Variants in FGF14 observed in about 807,000 individuals in gnomAD.
FGF14 encodes fibroblast growth factor 14.
A neutral mutation model predicts 25.5 loss-of-function variants in FGF14; 5 were observed. The ratio of observed to expected loss-of-function variants is 0.20; its 90% confidence interval spans 0.10 to 0.41. The LOEUF (loss-of-function observed/expected upper bound fraction) is 0.41, where lower values mean the gene tolerates loss of function less well. Among genes scored for constraint, FGF14 ranks in the 10% least tolerant of loss-of-function variants. The pLI, the probability that FGF14 is intolerant of heterozygous loss-of-function variation, is 1.00. For missense variants in FGF14, 222 were observed against 320.1 expected (o/e 0.69, Z 2.34); for synonymous variants, 138 against 118.3 (o/e 1.17, Z -1.08).
chr13:102,097,064 A>G (rs1009915291), intron 1 of FGF14, among the ~76,000 whole-genome samples: 20 of 150,718 alleles, frequency 1.3e-4, no homozygotes, highest in Non-Finnish European at 2.8e-4. Flanking sequence ...GTGTGGGGTC[A>G]TAAGAAAACA....
chr13:102,179,582 C>T lies in FGF14; in HGVS notation c.208+221889G>A, dbSNP rs185843731. ...ATTATGCACCAGGCACTCTCCAAAACACTTTATACTTAGGTACTACTTTTA... is the reference window on the plus strand; with the variant it reads ...ATTATGCACCAGGCACTCTCCAAAATACTTTATACTTAGGTACTACTTTTA... On this transcript the variant is annotated intron_variant, in intron 1 of 4. Coordinates refer to the FGF14 transcript ENST00000376131. Among the ~76,000 whole-genome samples the T allele has an allele frequency of 3.5e-4, 53 of 152,226 alleles. 1 individual carries two copies. Among genetic ancestry groups the T allele is most frequent in the Admixed American group, 2.4e-3 (37 of 15,292 alleles).
At chr13:102,176,973 T>C (rs1034613209) in intron 1 of FGF14, among the ~76,000 whole-genome samples, 1 of 152,174 alleles carries the variant, frequency 6.6e-6, no homozygotes, top group African/African-American at 2.4e-5. Context: ...ATATGCTATG[T>C]CAGTTTTAAA....
intron 1 of FGF14, among the ~76,000 whole-genome samples, chr13:102,215,551 T>C (rs1855336056): frequency 6.6e-6 from 1 of 152,204 alleles, no homozygotes; most frequent in Non-Finnish European, 1.5e-5. Context: ...TTCCTATGCC[T>C]GCATCAAGCC....
chr13:102,328,256 C>T lies in FGF14; in HGVS notation c.208+73215G>A, dbSNP rs572390993. On this transcript the variant is annotated intron_variant, in intron 1 of 4. Transcript: ENST00000376131. ...TTCATAAGTACATTTATTATTTAAT[C>T]GCTTATTTATCAAAAATTTTGACCA... Among the ~76,000 whole-genome samples, 7 of 152,156 alleles carry T rather than the reference C, an allele frequency of 4.6e-5. No homozygotes were observed. The South Asian group carries it at 6.2e-4, about 14-fold the overall frequency.
At chr13:102,216,592 T>C (rs772687851) in intron 1 of FGF14, among the ~76,000 whole-genome samples, 5 of 152,246 alleles carry the variant, frequency 3.3e-5, no homozygotes, top group Non-Finnish European at 7.3e-5. Context: ...TTGATACATG[T>C]GTAAATTGTA....
intron 1 of FGF14, among the ~76,000 whole-genome samples, chr13:101,905,859 C>A (rs111968707): frequency 6.6e-6 from 1 of 152,016 alleles, no homozygotes; most frequent in Non-Finnish European, 1.5e-5. Flanking sequence ...CCATATTTGT[C>A]AGACTTGTGT....
chr13:102,090,237 G>T (rs1285245514), intron 1 of FGF14, among the ~76,000 whole-genome samples: 1 of 152,160 alleles, frequency 6.6e-6, no homozygotes, highest in Non-Finnish European at 1.5e-5. Context: ...CAGGCTTATT[G>T]AATTTTTCAA....
At chr13:101,913,977 A>G (rs963838078) in intron 1 of FGF14, among the ~76,000 whole-genome samples, 6 of 152,132 alleles carry the variant, frequency 3.9e-5, no homozygotes, top group Admixed American at 3.9e-4. Flanking sequence ...TGCTGTATGT[A>G]TATATAATAC....
intron 4 of FGF14, among the ~76,000 whole-genome samples, chr13:101,725,659 A>C (rs1484913669): frequency 2.0e-5 from 3 of 152,110 alleles, no homozygotes; most frequent in Non-Finnish European, 4.4e-5. Flanking sequence ...GTGATGGCTA[A>C]GCCTTTCCTG....
At chr13:102,153,302 T>A (rs2047172346) in intron 1 of FGF14, among the ~76,000 whole-genome samples, 1 of 152,220 alleles carries the variant, frequency 6.6e-6, no homozygotes, top group South Asian at 2.1e-4. Context: ...CGCATACATA[T>A]TTTTCTCTGA....
At chr13:101,904,982 G>T (rs2032053074) in intron 1 of FGF14, among the ~76,000 whole-genome samples, 3 of 152,176 alleles carry the variant, frequency 2.0e-5, no homozygotes, top group East Asian at 1.9e-4. Flanking sequence ...AAATCTTGTA[G>T]GAAAACTTCA....
upstream of FGF14, among the ~76,000 whole-genome samples, chr13:101,920,018 T>G (rs1056766229): frequency 6.6e-6 from 1 of 152,180 alleles, no homozygotes; most frequent in African/African-American, 2.4e-5. Context: ...ATTGGGATAA[T>G]CAAGGTCTTT....
chr13:101,841,774 G>A (rs978756476), intron 3 of FGF14, among the ~76,000 whole-genome samples: 13 of 151,854 alleles, frequency 8.6e-5, no homozygotes, highest in Non-Finnish European at 1.6e-4. Flanking sequence ...TTTGAATCAT[G>A]CCTCAGATTT....
chr13:101,883,180 T>C (rs182262699), intron 1 of FGF14, among the ~76,000 whole-genome samples: 1 of 152,338 alleles, frequency 6.6e-6, no homozygotes, highest in Admixed American at 6.5e-5. Flanking sequence ...CAACCAGTTA[T>C]ATGCATCTCT....
At chr13:102,147,202 T>G (rs1338070779) in intron 1 of FGF14, among the ~76,000 whole-genome samples, 2 of 152,182 alleles carry the variant, frequency 1.3e-5, no homozygotes. Context: ...TGCTAGCAGA[T>G]GGGGAAAGTG....
chr13:102,051,940 TA>T (rs1370761443), intron 1 of FGF14, among the ~76,000 whole-genome samples: 1 of 152,160 alleles, frequency 6.6e-6, no homozygotes, highest in East Asian at 1.9e-4. Context: ...ATTAAATGCT[TA>T]AAAAAATTCA....
At chr13:101,899,829 T>A (rs1023646318) in intron 1 of FGF14, among the ~76,000 whole-genome samples, 1 of 152,000 alleles carries the variant, frequency 6.6e-6, no homozygotes, top group Non-Finnish European at 1.5e-5. Flanking sequence ...TTAATGCAGT[T>A]TGCTTCAGTA....
At chr13:101,955,288 C>A (rs936452832) in intron 1 of FGF14, among the ~76,000 whole-genome samples, 1 of 152,038 alleles carries the variant, frequency 6.6e-6, no homozygotes, top group Non-Finnish European at 1.5e-5. Context: ...TCCTTTAAAT[C>A]GTTCTACACT....
At chr13:102,361,125 C>T (rs991525558) in intron 1 of FGF14, among the ~76,000 whole-genome samples, 3 of 152,054 alleles carry the variant, frequency 2.0e-5, no homozygotes, top group Non-Finnish European at 2.9e-5. Context: ...TTATATAATA[C>T]AGCAATATTA....
Sources: allele counts gnomAD v4.1 joint callset (sites outside exome capture counted in the v4.1 genomes callset), GRCh38; gene constraint gnomAD v4.1.1; transcripts MANE v1.5; gene names NCBI Gene and HGNC (gene_info 2026-07-23, HGNC 2026-07-21).